DMD: variants seen among roughly 807,000 people sequenced by gnomAD.
DMD encodes mutant dystrophin.
DMD carries 63 observed loss-of-function variants against 330.1 expected under a neutral mutation model. The observed-to-expected ratio is 0.19, with a 90% CI of 0.16 to 0.24. The LOEUF is 0.24. DMD is among the 10% of genes least tolerant of loss of function. DMD has a pLI of 1.00. For synonymous variants in DMD, 1,223 were observed against 959.8 expected, an observed-to-expected ratio of 1.27 and a Z score of -5.07; for missense variants, 3,344 against 2,684.1, an observed-to-expected ratio of 1.25 and a Z score of -5.43.
chrX:31,564,366 A>C (rs1327606173), intron 55 of DMD, among the ~76,000 whole-genome samples: 1 of 111,799 alleles, frequency 8.9e-6, no homozygotes, highest in African/African-American at 3.2e-5. Flanking sequence ...ATCGTATGCT[A>C]CCATTAATGT....
At chrX:33,039,349 C>A (rs1303259583) in intron 1 of DMD, among the ~76,000 whole-genome samples, 2 of 107,549 alleles carry the variant, frequency 1.9e-5, no homozygotes, top group Non-Finnish European at 3.8e-5. Flanking sequence ...CTACGCCCAC[C>A]CCACCCCACC....
At chrX:33,291,771 T>C (rs1252623333) in intron 1 of DMD, among the ~76,000 whole-genome samples, 2 of 111,158 alleles carry the variant, frequency 1.8e-5, no homozygotes, top group Non-Finnish European at 3.8e-5. Context: ...TGTAACTCAC[T>C]TGTAATATTT....
intron 60 of DMD, among the ~76,000 whole-genome samples, chrX:31,397,903 T>G (rs938274212): frequency 8.9e-6 from 1 of 112,509 alleles, no homozygotes; most frequent in African/African-American, 3.2e-5. Context: ...AGCAAGTTGC[T>G]TTATGATGGC....
At chrX:31,822,653 G>GTGTGTGT (rs1556919106) in intron 49 of DMD, among the ~76,000 whole-genome samples, 1,583 of 65,796 alleles carry the variant, frequency 0.024, 26 homozygotes, top group South Asian at 0.08. Flanking sequence ...AAGGCAGAGG[G>GTGTGTGT]GTGTGTGTGT....
intron 21 of DMD, among the ~76,000 whole-genome samples, chrX:32,483,820 C>CCAA (rs1557379898): frequency 1.1e-4 from 4 of 37,271 alleles, no homozygotes; most frequent in African/African-American, 3.6e-4. Flanking sequence ...CTCTGAAGTA[C>CCAA]AAAAAAAAAA....
In DMD at chrX:31,444,489, G is replaced by C; in HGVS notation, c.9076C>G (p.Leu3026Val). The change falls in exon 60 of 79, where the codon CTT becomes GTT. Residue 3026 changes from leucine to valine, a missense_variant. Physicochemically the swap from Leu to Val is conservative, Grantham distance 32. Coordinates refer to ENST00000357033, the MANE Select transcript of DMD (RefSeq NM_004006.3). ...TLEDLNTRWK[L>V]LQVAVEDRVR... Reference sequence around the variant, plus strand: ...GTTTACAATGTGCTTACCTGCAGAAGCTTCCATCTGGTGTTCAGGTCTTCC... The same window carrying C: ...GTTTACAATGTGCTTACCTGCAGAACCTTCCATCTGGTGTTCAGGTCTTCC... 8.3e-7 allele frequency: 1 copy of C among 1,211,506 alleles called. No homozygotes were observed. Among genetic ancestry groups the C allele is most frequent in the Non-Finnish European group, 1.1e-6 (1 of 895,304 alleles).
chrX:32,730,541 T>C (rs905813352), intron 7 of DMD, among the ~76,000 whole-genome samples: 1 of 111,745 alleles, frequency 8.9e-6, no homozygotes, highest in Admixed American at 9.5e-5. Flanking sequence ...GCAATAGGAA[T>C]GACGTTGAAT....
chrX:32,628,361 C>T (rs1383477485), intron 11 of DMD, among the ~76,000 whole-genome samples: 1 of 87,167 alleles, frequency 1.1e-5, no homozygotes, highest in Non-Finnish European at 2.1e-5. Flanking sequence ...TTTTAATCAA[C>T]ATAACGTCCT....
chrX:32,507,817 T>C (rs1159791728), intron 18 of DMD, among the ~76,000 whole-genome samples: 1 of 111,476 alleles, frequency 9.0e-6, no homozygotes, highest in African/African-American at 3.3e-5. Context: ...CATTGTTGTA[T>C]ACCATTTTAT....
chrX:32,741,112 A>G (rs1305990825), intron 7 of DMD, among the ~76,000 whole-genome samples: 1 of 111,630 alleles, frequency 9.0e-6, no homozygotes, highest in African/African-American at 3.3e-5. Flanking sequence ...ATTTATGCTC[A>G]ATGTCATAGT....
intron 55 of DMD, among the ~76,000 whole-genome samples, chrX:31,546,262 G>A (rs1361905633): frequency 1.8e-5 from 2 of 112,349 alleles, no homozygotes; most frequent in Admixed American, 9.4e-5. Flanking sequence ...TCCAGTGGGC[G>A]TCAGCAGAGC....
chrX:31,241,317 T>C (rs5972347), intron 63 of DMD, among the ~76,000 whole-genome samples: 18,417 of 110,641 alleles, frequency 0.17, 1,951 homozygotes, highest in African/African-American at 0.38. Context: ...GTGAGAAAAT[T>C]ACCTATTTTC....
chrX:32,140,624 T>A (rs1217051616), intron 44 of DMD, among the ~76,000 whole-genome samples: 3 of 111,922 alleles, frequency 2.7e-5, no homozygotes, highest in African/African-American at 9.8e-5. Flanking sequence ...GAAAAAGTAG[T>A]TTAATTGAAC....
At chrX:32,044,454 C>A (rs2096041634) in intron 44 of DMD, among the ~76,000 whole-genome samples, 1 of 109,438 alleles carries the variant, frequency 9.1e-6, no homozygotes, top group Admixed American at 9.7e-5. Flanking sequence ...TGAAGTCTCG[C>A]TCTGTCGCCC....
intron 63 of DMD, among the ~76,000 whole-genome samples, chrX:31,234,007 G>A (rs1399305759): frequency 8.9e-6 from 1 of 111,735 alleles, no homozygotes; most frequent in Non-Finnish European, 1.9e-5. Context: ...TGCTTCTCTG[G>A]AAGAACCTGA....
chrX:31,890,545 C>G (rs964094493), intron 47 of DMD, among the ~76,000 whole-genome samples: 1 of 111,214 alleles, frequency 9.0e-6, no homozygotes, highest in Non-Finnish European at 1.9e-5. Flanking sequence ...AAAGACCATA[C>G]TCATTATAAA....
intron 55 of DMD, among the ~76,000 whole-genome samples, chrX:31,625,218 GTC>G (rs1444525971): frequency 2.7e-5 from 3 of 112,200 alleles, no homozygotes; most frequent in African/African-American, 9.7e-5. Context: ...GAGGGAAACT[GTC>G]TCTGTTTTAA....
intron 17 of DMD, among the ~76,000 whole-genome samples, chrX:32,536,763 T>A (rs759333157): frequency 1.1e-3 from 122 of 111,613 alleles, no homozygotes; most frequent in African/African-American, 3.6e-3. Flanking sequence ...GTATTTTTTT[T>A]AAAAAAGGAG....
rs10284067 is a variant in DMD, at chrX:32,842,187, G to A, written c.264+2596C>T. Among the ~76,000 whole-genome samples the A allele has an allele frequency of 5.6e-3, 630 of 112,107 alleles. 3 individuals carry two copies. The highest frequency in any genetic ancestry group is 0.019 in the African/African-American group (581 of 30,874). On this transcript the variant is annotated intron_variant, in intron 4 of 78. Coordinates refer to ENST00000357033, the MANE Select transcript of DMD (RefSeq NM_004006.3). ...CTGAAGATGCTGTTTCACTGAGTCA[G>A]TGCTGCCTGTTGACAATCAGCGAAA...
Sources: allele counts gnomAD v4.1 joint callset (sites outside exome capture counted in the v4.1 genomes callset), GRCh38; gene constraint gnomAD v4.1.1; transcripts MANE v1.5; gene names NCBI Gene and HGNC (gene_info 2026-07-23, HGNC 2026-07-21).